The following MCF2 variants were observed in gnomAD, a reference collection of about 807,000 sequenced individuals.
The protein encoded by MCF2 is proto-oncogene DBL.
MCF2 carries 44 observed loss-of-function variants against 82.5 expected under a neutral mutation model. The ratio of observed to expected loss-of-function variants is 0.53; its 90% CI spans 0.42 to 0.69. The LOEUF (loss-of-function observed/expected upper bound fraction) is 0.69, where lower values mean the gene tolerates loss of function less well. Among genes scored for constraint, MCF2 ranks in the 30% least tolerant of loss-of-function variants. The probability of loss-of-function intolerance (pLI) is 0.00; values close to 1 mark genes in which losing one functional copy is unlikely to be tolerated. For synonymous variants in MCF2, 217 were observed against 224.9 expected (o/e 0.96, Z 0.32); for missense variants, 623 against 663.1 (o/e 0.94, Z 0.66).
intron 1 of MCF2, among the ~76,000 whole-genome samples, chrX:139,690,743 GCCA>G (rs1935243047): frequency 1.8e-5 from 2 of 111,677 alleles, no homozygotes; most frequent in African/African-American, 6.5e-5. Context: ...GTGGGAAATT[GCCA>G]CCAAGTCTAT....
At chrX:139,674,226 A>G (rs1478075529) in intron 1 of MCF2, among the ~76,000 whole-genome samples, 1 of 111,345 alleles carries the variant, frequency 9.0e-6, no homozygotes, top group Non-Finnish European at 1.9e-5. Context: ...TCTGCACATG[A>G]GATGGGTCTC....
At chrX:139,638,862 C>T (rs1355838186) in intron 1 of MCF2, among the ~76,000 whole-genome samples, 1 of 111,277 alleles carries the variant, frequency 9.0e-6, no homozygotes, top group African/African-American at 3.3e-5. Flanking sequence ...GCAATTTTAA[C>T]CTGACAAGCC....
intron 6 of MCF2, among the ~76,000 whole-genome samples, chrX:139,623,775 G>T (rs1290402788): frequency 8.9e-6 from 1 of 111,760 alleles, no homozygotes; most frequent in Non-Finnish European, 1.9e-5. Context: ...AAAAATCTTT[G>T]AATCAAATAA....
At chrX:139,599,957 T>C (rs1255451495) in intron 16 of MCF2, among the ~76,000 whole-genome samples, 1 of 112,166 alleles carries the variant, frequency 8.9e-6, no homozygotes, top group African/African-American at 3.2e-5. Flanking sequence ...TATACATCCA[T>C]ATAATGGAAT....
exon 7 of MCF2, chrX:139,619,645 G>A: frequency 1.0e-5 from 12 of 1,170,955 alleles, no homozygotes; most frequent in Non-Finnish European, 1.4e-5. Context: ...TTGAGCTATA[G>A]TCCCTGTTAC....
intron 2 of MCF2, 24 bp downstream of exon 2, chrX:139,651,696 C>CTA (rs1386950940): frequency 9.7e-7 from 1 of 1,028,232 alleles, no homozygotes; most frequent in Non-Finnish European, 1.3e-6. Flanking sequence ...TCTATCTGGA[C>CTA]TATATATAAG....
intron 1 of MCF2, among the ~76,000 whole-genome samples, chrX:139,687,953 C>T (rs748506229): frequency 4.5e-5 from 5 of 111,884 alleles, no homozygotes; most frequent in Admixed American, 9.5e-5. Context: ...TCACACAGTT[C>T]GAACAAGCTT....
At chrX:139,594,526 T>G (rs1303661228) in intron 19 of MCF2, among the ~76,000 whole-genome samples, 30 of 110,657 alleles carry the variant, frequency 2.7e-4, no homozygotes, top group African/African-American at 7.9e-4. Context: ...TAGCCATATG[T>G]AGAAAGCTGA....
intron 10 of MCF2, chrX:139,613,247 A>G (rs1931632081): frequency 3.5e-6 from 4 of 1,150,654 alleles, no homozygotes; most frequent in Non-Finnish European, 4.6e-6. Flanking sequence ...CTTGAAAGAA[A>G]GAGTATCCAA....
intron 21 of MCF2, among the ~76,000 whole-genome samples, chrX:139,588,126 C>T (rs761133063): frequency 8.9e-6 from 1 of 111,801 alleles, no homozygotes; most frequent in Admixed American, 9.6e-5. Context: ...CACTGTGTTG[C>T]TTCTCAACTG....
chrX:139,605,329 T>A (rs1351341133), intron 13 of MCF2, among the ~76,000 whole-genome samples: 1 of 111,184 alleles, frequency 9.0e-6, no homozygotes, highest in Non-Finnish European at 1.9e-5. Flanking sequence ...CTCCTTAAAT[T>A]GGCAATACGT....
chrX:139,596,717 C>A, exon 19 of MCF2: 1 of 1,210,110 alleles, frequency 8.3e-7, no homozygotes, highest in Non-Finnish European at 1.1e-6. Context: ...TGTGCCCTAT[C>A]CAAACGCTGA....
intron 1 of MCF2, among the ~76,000 whole-genome samples, chrX:139,681,307 C>T (rs1476237375): frequency 9.0e-6 from 1 of 111,609 alleles, no homozygotes; most frequent in Non-Finnish European, 1.9e-5. Context: ...ATAGCAGCGG[C>T]TGATGCTGAC....
At chrX:139,642,682 G>T in exon 1 of MCF2, 71 of 955,230 alleles carry the variant, frequency 7.4e-5, no homozygotes, top group Admixed American at 8.8e-5. Context: ...TGCTGGGGAG[G>T]AAAAAAAAAA....
chrX:139,632,498 A>G, intron 1 of MCF2, 44 bp from the exon 5 acceptor site: 1 of 1,128,250 alleles, frequency 8.9e-7, no homozygotes, highest in Non-Finnish European at 1.2e-6. Context: ...AAAATTGTCA[A>G]CACACACTCA....
chrX:139,707,591 C>T (rs765367167), intron 1 of MCF2, among the ~76,000 whole-genome samples: 1 of 111,701 alleles, frequency 9.0e-6, no homozygotes, highest in Admixed American at 9.5e-5. Context: ...AAATAATCTG[C>T]TGTCCAAATT....
chrX:139,605,628 G>GAA, intron 13 of MCF2, 85 bp downstream of exon 17: 1 of 806,021 alleles, frequency 1.2e-6, no homozygotes, highest in Non-Finnish European at 1.8e-6. Flanking sequence ...GACGGAAGTA[G>GAA]AAGATTGCCC....
intron 1 of MCF2, among the ~76,000 whole-genome samples, chrX:139,659,149 G>A (rs779340337): frequency 8.1e-5 from 9 of 110,756 alleles, no homozygotes; most frequent in African/African-American, 1.6e-4. Context: ...TTAGCTGGGC[G>A]TGGTGGCACG....
At chrX:139,614,851 A>G (rs767147184) in intron 10 of MCF2, 30 bp downstream of exon 13, 13 of 1,164,013 alleles carry the variant, frequency 1.1e-5, no homozygotes, top group Non-Finnish European at 1.5e-5. Context: ...TAGCAAGAAA[A>G]AAAGAGACAG....
Sources: allele counts gnomAD v4.1 joint callset (sites outside exome capture counted in the v4.1 genomes callset), GRCh38; gene constraint gnomAD v4.1.1; transcripts MANE v1.5; gene names NCBI Gene and HGNC (gene_info 2026-07-23, HGNC 2026-07-21).